The following GPSM1 variants were observed in gnomAD, a reference collection of about 807,000 sequenced individuals.
The protein encoded by GPSM1 is G protein signaling modulator 1.
A neutral mutation model predicts 70.5 loss-of-function variants in GPSM1; 48 were observed. The observed-to-expected ratio is 0.68, with a 90% CI of 0.54 to 0.87. GPSM1 has a LOEUF of 0.87. GPSM1 is among the 40% of genes least tolerant of loss of function. The pLI, the probability that GPSM1 is intolerant of heterozygous loss-of-function variation, is 0.00. For missense variants in GPSM1, 981 were observed against 972.6 expected (o/e 1.01, Z -0.11); for synonymous variants, 416 against 430.1 (o/e 0.97, Z 0.41).
rs1832436064 is a variant in GPSM1 at position 136,343,113 on chromosome 9, G to A, written c.1207+2120G>A. The stretch of plus-strand genomic sequence containing the variant: ...GCCAGCAGAGAAGCCCCAGAAGTGT[G>A]TCTGGGGGTCACCACCCTGCCAGCC... On this transcript the variant is annotated intron_variant, in intron 9 of 13. Coordinates refer to ENST00000440944, the MANE Select transcript of GPSM1 (RefSeq NM_001145638.3). This position sits in a 1 kb window ranked among gnomAD's most constrained non-coding sequence, Gnocchi z 6.0. Among the ~76,000 whole-genome samples, 1 of 152,132 alleles carries A rather than the reference G, an allele frequency of 6.6e-6. No individual in the cohort carries two copies. Among genetic ancestry groups the A allele is most frequent in the South Asian group, 2.1e-4 (1 of 4,834 alleles).
intron 1 of GPSM1, 94 bp from the exon 2 acceptor site, chr9:136,334,353 C>A (rs1832174751): frequency 4.8e-6 from 4 of 831,622 alleles, no homozygotes; most frequent in Middle Eastern, 3.5e-4. Context: ...CCTAGCCCAC[C>A]CAGGGGCGTC....
rs968966182 is a variant in GPSM1 at position 136,358,697 on chromosome 9, C to T, written c.*477C>T. On this transcript the variant is annotated 3_prime_UTR_variant, in exon 14 of 14. Transcript: ENST00000440944. ...CAGGCATGCTCCACCCCTCCAGCTTCGTCCTGGGGCAGGGCTCCCTCCAAG... is the reference window on the plus strand; with the variant it reads ...CAGGCATGCTCCACCCCTCCAGCTTTGTCCTGGGGCAGGGCTCCCTCCAAG... The T allele has an allele frequency of 7.4e-5, 15 of 203,826 alleles. No homozygotes were observed. The highest frequency in any genetic ancestry group is 1.2e-4 in the African/African-American group (5 of 41,874). The allele number at this position is 203,826 out of a possible 1,614,324, so 12.6% of individuals were successfully genotyped here. A position where few individuals can be genotyped will look rare whatever the true frequency, so the allele number is the denominator to read the frequency against.
At chr9:136,329,949 G>T (rs1832064129) in intron 1 of GPSM1, among the ~76,000 whole-genome samples, 1 of 149,066 alleles carries the variant, frequency 6.7e-6, no homozygotes, top group South Asian at 2.1e-4. Flanking sequence ...GGTCGGTGGG[G>T]ACGGGCCCTT....
Position 136,342,819 on chromosome 9 carries a change from C to A in GPSM1, c.1207+1826C>A, listed in dbSNP as rs910776310. On this transcript the variant is annotated intron_variant, in intron 9 of 13. Transcript: ENST00000440944. This position sits in a 1 kb window ranked among gnomAD's most constrained non-coding sequence, Gnocchi z 5.5. ...TGGCCGTGCGGAGGGGGCGCCAGGG[C>A]TGGGGGCACAGGAGGGCGCTGCCCA... Among the ~76,000 whole-genome samples, 1 of 151,980 alleles carries A rather than the reference C, an allele frequency of 6.6e-6. No homozygotes were observed. Among genetic ancestry groups the A allele is most frequent in the East Asian group, 1.9e-4 (1 of 5,164 alleles).
intron 7 of GPSM1, 64 bp from the exon 8 acceptor site, chr9:136,339,643 A>G: frequency 1.8e-6 from 2 of 1,140,806 alleles, no homozygotes; most frequent in Non-Finnish European, 2.6e-6. Context: ...CCACCAGGGG[A>G]GGGGCTGGGG....
At chr9:136,330,692 G>A (rs559164519) in intron 1 of GPSM1, among the ~76,000 whole-genome samples, 89 of 152,164 alleles carry the variant, frequency 5.8e-4, no homozygotes, top group Non-Finnish European at 1.0e-3. Context: ...TGTAGGTGAC[G>A]GCCTTGGGGA....
At chr9:136,349,001 C>T (rs1452968527) in intron 10 of GPSM1, among the ~76,000 whole-genome samples, 2 of 152,260 alleles carry the variant, frequency 1.3e-5, no homozygotes, top group South Asian at 2.1e-4. Context: ...TTCAGGCCCC[C>T]ATACTCCACC....
In GPSM1 at chr9:136,327,775, C is replaced by CA. The variant is rs1832008281; in HGVS notation, c.68+12_68+13insA. The CA allele has an allele frequency of 1.3e-5, 13 of 983,460 alleles. No individual in the cohort carries two copies. The highest frequency in any genetic ancestry group is 3.4e-5 in the African/African-American group (2 of 58,658). The allele number at this position is 983,460 out of a possible 1,614,324, so 60.9% of individuals were successfully genotyped here. ...CGCCTCTACTCCAGGTAGGACGGGC[C>CA]GGGGCCGGGGCCGGGGCCGGGGCTG... On this transcript the variant is annotated intron_variant, in intron 1 of 13. Coordinates refer to ENST00000440944, the MANE Select transcript of GPSM1 (RefSeq NM_001145638.3).
Position 136,341,493 on chromosome 9 carries a change from T to C in GPSM1, c.1207+500T>C. The stretch of plus-strand genomic sequence containing the variant: ...CATTCATGGACCGCTGGTCGTCCCA[T>C]GCCGGTCAGCAGTGCTGCAGACACA... On this transcript the variant is annotated intron_variant, in intron 9 of 13. Coordinates refer to ENST00000440944, the MANE Select transcript of GPSM1 (RefSeq NM_001145638.3). This position sits in a 1 kb window ranked among gnomAD's most constrained non-coding sequence, Gnocchi z 6.7. 7.9e-7 allele frequency: 1 copy of C among 1,262,644 alleles called. No individual in the cohort carries two copies. The highest frequency in any genetic ancestry group is 1.0e-6 in the Non-Finnish European group (1 of 999,834). The allele number at this position is 1,262,644 out of a possible 1,614,324, so 78.2% of individuals were successfully genotyped here.
In GPSM1 at chr9:136,339,797, C is replaced by G. The variant is rs1232071630; in HGVS notation, c.1065C>G (p.His355Gln). 1 of 1,545,730 alleles carries G rather than the reference C, an allele frequency of 6.5e-7. No homozygotes were observed. Reference sequence around the variant, plus strand: ...AGGCCCTGACCTTCGCCAAGAAGCACCTGCAGATCTCCCAGGAGGTGAGCC... The same window carrying G: ...AGGCCCTGACCTTCGCCAAGAAGCAGCTGCAGATCTCCCAGGAGGTGAGCC... ...PAQALTFAKK[H>Q]LQISQEIGDR... Residue 355 changes from histidine (H) to glutamine (Q), a missense_variant, in exon 8 of 14, where the codon CAC (histidine) becomes CAG (glutamine). His to Gln is a conservative substitution (Grantham distance 24). Coordinates refer to ENST00000440944, the MANE Select transcript of GPSM1 (RefSeq NM_001145638.3).
intron 11 of GPSM1, chr9:136,354,836 A>G (rs549430665): frequency 8.0e-6 from 8 of 997,956 alleles, no homozygotes; most frequent in African/African-American, 1.7e-5. Context: ...CAGGGAGCTC[A>G]TGGCAGGGCT....
intron 11 of GPSM1, 51 bp from the exon 12 acceptor site, chr9:136,355,639 T>G: frequency 6.4e-7 from 1 of 1,570,702 alleles, no homozygotes; most frequent in Non-Finnish European, 8.7e-7. Flanking sequence ...CGGTCTCGTC[T>G]GGGGGTCTGC....
At chr9:136,329,123 C>A (rs1554768241) in intron 1 of GPSM1, among the ~76,000 whole-genome samples, 1 of 152,146 alleles carries the variant, frequency 6.6e-6, no homozygotes, top group East Asian at 1.9e-4. Context: ...GGGGACACGC[C>A]AGGCAGGAGC....
intron 7 of GPSM1, among the ~76,000 whole-genome samples, chr9:136,339,165 T>C (rs1832325176): frequency 6.6e-6 from 1 of 152,210 alleles, no homozygotes; most frequent in Non-Finnish European, 1.5e-5. Flanking sequence ...GCCCAAGGTT[T>C]TCCTTTGTGG....
At chr9:136,352,449 G>T (rs1554772303) in intron 11 of GPSM1, among the ~76,000 whole-genome samples, 1 of 152,244 alleles carries the variant, frequency 6.6e-6, no homozygotes, top group Non-Finnish European at 1.5e-5. Flanking sequence ...TGGTCTGGGG[G>T]TCCAGAGAAC....
chr9:136,332,666 G>A lies in GPSM1; in HGVS notation c.69-1781G>A, dbSNP rs368118032. On this transcript the variant is annotated intron_variant, in intron 1 of 13. Coordinates refer to ENST00000440944, the MANE Select transcript of GPSM1 (RefSeq NM_001145638.3). ...TTGGCTGGTTGTCATGGCGACGGTG[G>A]GCTCCTGTGACCCACGTGGCATCCG... is the stretch of plus-strand genomic sequence containing the variant. Among the ~76,000 whole-genome samples the A allele has an allele frequency of 2.4e-3, 362 of 152,210 alleles. 2 individuals carry two copies. The highest frequency in any genetic ancestry group is 8.3e-3 in the African/African-American group (343 of 41,520).
In GPSM1 at chr9:136,358,332, C is replaced by A. The variant is rs1279757019; in HGVS notation, c.*112C>A. On this transcript the variant is annotated 3_prime_UTR_variant, in exon 14 of 14. Transcript: ENST00000440944. Reference sequence around the variant, plus strand: ...CCGAGGACAGGCACTGGGCATGCAGCCCCACGGCCTCCCCGACCCAGGGCG... The same window carrying A: ...CCGAGGACAGGCACTGGGCATGCAGACCCACGGCCTCCCCGACCCAGGGCG... The A allele has an allele frequency of 2.0e-6, 2 of 1,000,274 alleles. No individual in the cohort carries two copies. The highest frequency in any genetic ancestry group is 5.3e-5 in the Admixed American group (2 of 37,960). 62.0% of individuals were successfully genotyped at this position (1,000,274 alleles called of 1,614,324 possible). A position where few individuals can be genotyped will look rare whatever the true frequency, so the allele number is the denominator to read the frequency against.
At chr9:136,352,066 G>A (rs1554772207) in intron 11 of GPSM1, among the ~76,000 whole-genome samples, 1 of 147,516 alleles carries the variant, frequency 6.8e-6, no homozygotes, top group Admixed American at 6.6e-5. Flanking sequence ...CTGCGCCGTT[G>A]CTGTTGGTGA....
chr9:136,359,516 G>A lies in GPSM1; in HGVS notation c.*1296G>A, dbSNP rs1317632492. Reference sequence around the variant, plus strand: ...ATGTGCGTATTTATTGCTCACGTCTGTGCCATGTTGTCAATGGGTCCTTTC... The same window carrying A: ...ATGTGCGTATTTATTGCTCACGTCTATGCCATGTTGTCAATGGGTCCTTTC... On this transcript the variant is annotated 3_prime_UTR_variant, in exon 14 of 14. Coordinates refer to ENST00000440944, the MANE Select transcript of GPSM1 (RefSeq NM_001145638.3). 6.6e-6 allele frequency: 1 copy of A among 152,348 alleles called. No homozygotes were observed. Among genetic ancestry groups the A allele is most frequent in the African/African-American group, 2.4e-5 (1 of 41,442 alleles). The allele number at this position is 152,348 out of a possible 1,614,324, so 9.4% of individuals were successfully genotyped here. A position where few individuals can be genotyped will look rare whatever the true frequency, so the allele number is the denominator to read the frequency against.
Sources: gnomAD v4.1 joint callset for allele counts (sites outside exome capture counted in the v4.1 genomes callset) on GRCh38, gnomAD v4.1.1 for gene constraint, Gnocchi (gnomAD v3.1) non-coding constraint, MANE v1.5 for transcripts, NCBI Gene and HGNC (gene_info 2026-07-23, HGNC 2026-07-21) for gene names.